SLC71A1: variants seen among roughly 807,000 people sequenced by gnomAD.
SLC71A1 encodes the protein solute carrier family 71 member 1, also known as hippocampus abundant gene transcript 1.
At chr1:100,060,480 TC>T in the SLC71A1 span, among the ~76,000 whole-genome samples, 1 of 152,214 alleles carries the variant, frequency 6.6e-6, no homozygotes, top group Admixed American at 6.5e-5. Context: ...GTATGGCAGT[TC>T]CAGTGGAGCA....
the SLC71A1 span, among the ~76,000 whole-genome samples, chr1:100,046,873 TA>T: frequency 2.6e-5 from 4 of 152,246 alleles, no homozygotes; most frequent in African/African-American, 9.6e-5. Flanking sequence ...CTTTTTCAGA[TA>T]TTTGCTGTTG....
the SLC71A1 span, among the ~76,000 whole-genome samples, chr1:100,042,685 G>A: frequency 5.9e-5 from 9 of 151,830 alleles, no homozygotes; most frequent in African/African-American, 2.2e-4. Flanking sequence ...TTGGCTCACA[G>A]CAACCTCTGC....
chr1:100,043,011 G>C, the SLC71A1 span: 1 of 801,738 alleles, frequency 1.2e-6, no homozygotes, highest in Admixed American at 6.2e-5. Context: ...TACCTCCATG[G>C]TTCAGTGTTT....
At chr1:100,077,176 G>C in the SLC71A1 span, 1 of 1,293,862 alleles carries the variant, frequency 7.7e-7, no homozygotes. Flanking sequence ...CCATAGTCTT[G>C]AGTTTACTTA....
chr1:100,059,555 A>G, the SLC71A1 span, among the ~76,000 whole-genome samples: 1 of 151,358 alleles, frequency 6.6e-6, no homozygotes, highest in Non-Finnish European at 1.5e-5. Context: ...TTTTATATAT[A>G]TATATACACA....
the SLC71A1 span, chr1:100,038,329 C>G: frequency 2.6e-6 from 4 of 1,551,460 alleles, no homozygotes; most frequent in Non-Finnish European, 3.5e-6. Flanking sequence ...GAGCTGAGTT[C>G]CGCGCCGGCG....
At chr1:100,058,584 G>A in the SLC71A1 span, 2 of 749,814 alleles carry the variant, frequency 2.7e-6, no homozygotes, top group South Asian at 3.2e-5. Context: ...TAGTATGAAT[G>A]GATGTTCAAA....
chr1:100,038,174 T>C, the SLC71A1 span: 1 of 1,455,690 alleles, frequency 6.9e-7, no homozygotes, highest in Non-Finnish European at 9.4e-7. Context: ...CGGCACTAGC[T>C]GCTGGGGCCT....
chr1:100,074,688 C>T, the SLC71A1 span, among the ~76,000 whole-genome samples: 1 of 151,796 alleles, frequency 6.6e-6, no homozygotes, highest in African/African-American at 2.4e-5. Context: ...ACCAGCCTGG[C>T]CAATATGGTG....
At chr1:100,061,950 G>C in the SLC71A1 span, 1 of 1,532,900 alleles carries the variant, frequency 6.5e-7, no homozygotes, top group African/African-American at 1.4e-5. Flanking sequence ...TTATGGACTG[G>C]TATGTATGTT....
the SLC71A1 span, among the ~76,000 whole-genome samples, chr1:100,057,418 G>A: frequency 1.4e-5 from 2 of 147,768 alleles, no homozygotes; most frequent in East Asian, 2.0e-4. Flanking sequence ...GTGGTGGCAC[G>A]ATCTCAGCTC....
the SLC71A1 span, chr1:100,062,206 GTTC>G: frequency 3.4e-6 from 1 of 297,680 alleles, no homozygotes; most frequent in Non-Finnish European, 6.1e-6. Context: ...ACCTTGTAGA[GTTC>G]TTTTTAACAG....
the SLC71A1 span, chr1:100,043,213 T>C: frequency 4.4e-5 from 43 of 974,446 alleles, no homozygotes; most frequent in African/African-American, 7.4e-4. Context: ...AGTAAAAAAA[T>C]GAATAGCTTT....
At chr1:100,052,900 C>T in the SLC71A1 span, among the ~76,000 whole-genome samples, 2 of 152,126 alleles carry the variant, frequency 1.3e-5, no homozygotes, top group Admixed American at 6.5e-5. Flanking sequence ...TCTCCTGCCT[C>T]AGCCTCCCGA....
At chr1:100,073,506 T>C in the SLC71A1 span, among the ~76,000 whole-genome samples, 1 of 152,204 alleles carries the variant, frequency 6.6e-6, no homozygotes, top group Non-Finnish European at 1.5e-5. Flanking sequence ...ACTAGGTCTC[T>C]CCCCTTAGTG....
At chr1:100,076,008 A>C in the SLC71A1 span, among the ~76,000 whole-genome samples, 1 of 152,200 alleles carries the variant, frequency 6.6e-6, no homozygotes, top group Admixed American at 6.5e-5. Context: ...AGTTTTTCTC[A>C]GCTAACTGCT....
chr1:100,075,714 T>A, the SLC71A1 span, among the ~76,000 whole-genome samples: 2 of 152,212 alleles, frequency 1.3e-5, no homozygotes, highest in Non-Finnish European at 2.9e-5. Flanking sequence ...AGATGGTCTC[T>A]GTCACCCAGG....
the SLC71A1 span, among the ~76,000 whole-genome samples, chr1:100,045,076 A>G: frequency 6.6e-6 from 1 of 152,036 alleles, no homozygotes; most frequent in Admixed American, 6.6e-5. Context: ...CATTGAATCT[A>G]TAGATTGTTT....
the SLC71A1 span, chr1:100,058,760 T>TATAC: frequency 8.7e-7 from 1 of 1,148,096 alleles, no homozygotes; most frequent in South Asian, 1.3e-5. Flanking sequence ...TATGTGTATA[T>TATAC]ATACATACAT....
Sources: allele counts gnomAD v4.1 joint callset (sites outside exome capture counted in the v4.1 genomes callset), GRCh38; gene constraint gnomAD v4.1.1; transcripts MANE v1.5; gene names NCBI Gene and HGNC (gene_info 2026-07-23, HGNC 2026-07-21).